The following PSMD5 variants were observed in gnomAD, a reference collection of about 807,000 sequenced individuals.
PSMD5 encodes proteasome 26S subunit, non-ATPase 5.
In PSMD5, 40 loss-of-function variants were observed where a neutral mutation model predicts 52.1. The ratio of observed to expected loss-of-function variants is 0.77; its 90% CI spans 0.60 to 1.00. The LOEUF (loss-of-function observed/expected upper bound fraction) is 1.00, where lower values mean the gene tolerates loss of function less well. Among genes scored for constraint, PSMD5 ranks in the 50% least tolerant of loss-of-function variants. The pLI is 0.00. For synonymous variants in PSMD5, 211 were observed against 226.6 expected, an observed-to-expected ratio of 0.93 and a Z score of 0.62; for missense variants, 575 against 605.2, an observed-to-expected ratio of 0.95 and a Z score of 0.52.
At chr9:120,823,949 A>C (rs532816227) in intron 7 of PSMD5, among the ~76,000 whole-genome samples, 1 of 152,090 alleles carries the variant, frequency 6.6e-6, no homozygotes, top group East Asian at 1.9e-4. Context: ...TGAGGCCTAG[A>C]AAAGTGAAGT....
At chr9:120,827,675 T>A (rs74675592) in intron 5 of PSMD5, among the ~76,000 whole-genome samples, 2,106 of 152,354 alleles carry the variant, frequency 0.014, 44 homozygotes, top group African/African-American at 0.048. Flanking sequence ...AGTGACTGAT[T>A]TACTCATATG....
Position 120,817,946 on chromosome 9 carries a change from A to T in PSMD5, c.1475T>A (p.Val492Glu). The part of the protein sequence containing the change: ...RTYLSEGPYY[V>E]KPVSTTAVEG... Reference sequence around the variant, plus strand: ...TACTGCTGTCGTGGAAACAGGTTTCACATAGTATGGCCCTTCACTCAGGTA... The same window carrying T: ...TACTGCTGTCGTGGAAACAGGTTTCTCATAGTATGGCCCTTCACTCAGGTA... Residue 492 changes from valine to glutamate, a missense_variant, in exon 10 of 10, where the codon GTG (valine) becomes GAG (glutamate). By Grantham distance (121) the Val-to-Glu change is moderately radical (BLOSUM62 -2). Transcript: ENST00000210313. The T allele has an allele frequency of 6.2e-7, 1 of 1,614,190 alleles. No individual in the cohort carries two copies. Among genetic ancestry groups the T allele is most frequent in the Non-Finnish European group, 8.5e-7 (1 of 1,179,982 alleles).
rs552356645 is a variant in PSMD5 at position 120,821,369 on chromosome 9, G to T, written c.1102C>A (p.Leu368Ile). The T allele has an allele frequency of 4.4e-5, 70 of 1,591,438 alleles. 1 individual carries two copies. In the South Asian group the frequency reaches 7.7e-4, roughly 17 times the overall value. The change falls in exon 8 of 10, where the codon CTT becomes ATT. Residue 368 changes from leucine (L) to isoleucine (I), a missense_variant. Transcript: ENST00000210313. ...TACCTACTTACTGGTAAGTACAGAA[G>T]AGATGAAATTGCATCCAAACATCTA... The part of the protein sequence containing the change: ...KIRCLDAISS[L>I]LYLPPEQQTD...
intron 4 of PSMD5, among the ~76,000 whole-genome samples, chr9:120,830,749 G>C (rs955652337): frequency 1.3e-5 from 2 of 152,132 alleles, no homozygotes; most frequent in African/African-American, 4.8e-5. Context: ...AAGAATTAAA[G>C]ATAATATATG....
At chr9:120,837,186 G>A (rs138406950) in intron 1 of PSMD5, among the ~76,000 whole-genome samples, 20 of 151,838 alleles carry the variant, frequency 1.3e-4, no homozygotes, top group Non-Finnish European at 2.7e-4. Flanking sequence ...ACCGCGCCCA[G>A]CCAATTTTTG....
intron 7 of PSMD5, 100 bp from the exon 8 acceptor site, chr9:120,821,564 T>A: frequency 1.3e-6 from 1 of 742,662 alleles, no homozygotes; most frequent in Non-Finnish European, 2.1e-6. Context: ...TCAGTGCTAT[T>A]AAGTACATTC....
intron 1 of PSMD5, 47 bp from the exon 2 acceptor site, chr9:120,833,503 A>T: frequency 6.4e-7 from 1 of 1,565,826 alleles, no homozygotes; most frequent in South Asian, 1.1e-5. Flanking sequence ...CTGCCCAGGT[A>T]GGAAGTAACA....
rs1161178821 is a variant in PSMD5, at chr9:120,816,740, CAGGT to C, written c.*1162_*1165del. The C allele has an allele frequency of 6.6e-6, 1 of 152,196 alleles. No homozygotes were observed. The highest frequency in any genetic ancestry group is 2.4e-5 in the African/African-American group (1 of 41,432). The allele number at this position is 152,196 out of a possible 1,614,324, so 9.4% of individuals were successfully genotyped here. ...GTTTAGAGAGAAGAACACTGGAAAACAGGTGGGTGTAGGTGTTGTCAATGAAAAG... is the reference window on the plus strand; with the variant it reads ...GTTTAGAGAGAAGAACACTGGAAAACGGGTGTAGGTGTTGTCAATGAAAAG... On this transcript the variant is annotated 3_prime_UTR_variant, in exon 10 of 10. Coordinates refer to ENST00000210313, the MANE Select transcript of PSMD5 (RefSeq NM_005047.4).
At chr9:120,822,152 G>T (rs1374482448) in intron 7 of PSMD5, among the ~76,000 whole-genome samples, 1 of 152,062 alleles carries the variant, frequency 6.6e-6, no homozygotes, top group Non-Finnish European at 1.5e-5. Flanking sequence ...TAATGGATAT[G>T]AAGTGAAAAA....
chr9:120,840,620 T>G (rs1264593577), intron 1 of PSMD5, among the ~76,000 whole-genome samples: 1 of 93,804 alleles, frequency 1.1e-5, no homozygotes, highest in Non-Finnish European at 2.3e-5. Flanking sequence ...TAATTTTTGC[T>G]TTTTTTTTTT....
rs1060817 is a variant in PSMD5 at position 120,820,914 on chromosome 9, A to G, written c.1182T>C (p.Asp394=). The G allele has an allele frequency of 0.58, 926,747 of 1,607,390 alleles. 275,303 individuals are homozygous for G. Among genetic ancestry groups the G allele is most frequent in the South Asian group, 0.74 (66,355 of 90,098 alleles). The change falls in exon 9 of 10, where the codon GAT becomes GAC. Residue 394 remains aspartate (D), a synonymous_variant. Transcript: ENST00000210313. ...TESWFSSLSR[D]PLELFRGISS... is the part of the protein sequence containing the mutation. ...TAATGCCACGGAAGAGCTCCAGTGG[A>G]TCCCGAGATAAAGAAGAAAACCAGG...
intron 3 of PSMD5, 60 bp from the exon 4 acceptor site, chr9:120,831,519 A>C: frequency 6.6e-7 from 1 of 1,509,350 alleles, no homozygotes; most frequent in Non-Finnish European, 8.9e-7. Flanking sequence ...TCTACTTCAT[A>C]AGAGTGATGT....
Position 120,817,624 on chromosome 9 carries a change from A to C in PSMD5, c.*282T>G. The C allele has an allele frequency of 3.0e-6, 1 of 330,038 alleles. No homozygotes were observed. Among genetic ancestry groups the C allele is most frequent in the Non-Finnish European group, 5.5e-6 (1 of 180,900 alleles). 20.4% of individuals were successfully genotyped at this position (330,038 alleles called of 1,614,324 possible). A position where few individuals can be genotyped will look rare whatever the true frequency, so the allele number is the denominator to read the frequency against. ...TGTCCATGAAAATTTTGAGGGAAGA[A>C]AAAAACTTCCACCCTGTTGCAAAGA... On this transcript the variant is annotated 3_prime_UTR_variant, in exon 10 of 10. Coordinates refer to ENST00000210313, the MANE Select transcript of PSMD5 (RefSeq NM_005047.4).
At chr9:120,827,184 T>A (rs535373935) in intron 5 of PSMD5, among the ~76,000 whole-genome samples, 1 of 152,336 alleles carries the variant, frequency 6.6e-6, no homozygotes, top group African/African-American at 2.4e-5. Flanking sequence ...CTTCCTAAAA[T>A]ATTTTCTAAA....
In PSMD5 at chr9:120,821,371, G is replaced by C. The variant is rs377476205; in HGVS notation, c.1100C>G (p.Ser367Cys). ...CCTACTTACTGGTAAGTACAGAAGA[G>C]ATGAAATTGCATCCAAACATCTAAT... Reference protein sequence around the residue: ...LKIRCLDAISSLLYLPPEQQT... With the variant: ...LKIRCLDAISCLLYLPPEQQT... The change falls in exon 8 of 10, where the codon TCT (serine) becomes TGT (cysteine). Residue 367 changes from serine (S) to cysteine (C), a missense_variant. Physicochemically the swap from Ser to Cys is moderately radical, Grantham distance 112. Coordinates refer to ENST00000210313, the MANE Select transcript of PSMD5 (RefSeq NM_005047.4). 6 of 1,593,816 alleles carry C rather than the reference G, an allele frequency of 3.8e-6. No individual in the cohort carries two copies. In the Admixed American group the frequency reaches 8.5e-5, roughly 23 times the overall value.
At position 120,816,114 on chromosome 9, in the gene PSMD5, A is replaced by G. The variant is rs918078731; in HGVS notation, c.*1792T>C. On this transcript the variant is annotated 3_prime_UTR_variant, in exon 10 of 10. Coordinates refer to ENST00000210313, the MANE Select transcript of PSMD5 (RefSeq NM_005047.4). ...TATTCAATCTAAAAAAAAAATCAGA[A>G]TGTGTAGACCATACATAGGAGAGAG... is the stretch of plus-strand genomic sequence containing the variant. The G allele has an allele frequency of 6.3e-6, 1 of 158,114 alleles. No homozygotes were observed. The highest frequency in any genetic ancestry group is 6.4e-5 in the Admixed American group (1 of 15,642). 9.8% of individuals were successfully genotyped at this position (158,114 alleles called of 1,614,324 possible).
chr9:120,837,261 A>G (rs927377986), intron 1 of PSMD5, among the ~76,000 whole-genome samples: 2 of 152,190 alleles, frequency 1.3e-5, no homozygotes, highest in African/African-American at 4.8e-5. Context: ...TGACCTCATG[A>G]TCCGCCCACC....
At chr9:120,831,306 TGAGA>T in intron 4 of PSMD5, 21 bp downstream of exon 4, 1 of 1,562,000 alleles carries the variant, frequency 6.4e-7, no homozygotes. Flanking sequence ...TTTGTAAGCA[TGAGA>T]AAGTGTGCTT....
intron 2 of PSMD5, among the ~76,000 whole-genome samples, chr9:120,832,530 G>A (rs1457818053): frequency 2.6e-5 from 4 of 151,838 alleles, no homozygotes; most frequent in African/African-American, 9.7e-5. Context: ...CTGAGTAGCT[G>A]GGATTACAGG....
Sources: gnomAD v4.1 joint callset for allele counts (sites outside exome capture counted in the v4.1 genomes callset) on GRCh38, gnomAD v4.1.1 for gene constraint, MANE v1.5 for transcripts, NCBI Gene and HGNC (gene_info 2026-07-23, HGNC 2026-07-21) for gene names.